TMEM248: variants seen among roughly 807,000 people sequenced by gnomAD.
TMEM248 encodes the protein transmembrane protein 248, also known as UPF0458 protein C7orf42.
Under a neutral mutation model 30.3 loss-of-function variants are expected in TMEM248, and 9 were observed. The observed-to-expected ratio is 0.30, with a 90% CI of 0.18 to 0.52. The LOEUF is 0.52. Among genes scored for constraint, TMEM248 ranks in the 20% least tolerant of loss-of-function variants. TMEM248 has a pLI of 0.97. For missense variants in TMEM248, 338 were observed against 403.3 expected (o/e 0.84, Z 1.39); for synonymous variants, 184 against 154.4 (o/e 1.19, Z -1.42).
At chr7:66,939,667 TGGGCTCATAAATGA>T (rs1355597765) in intron 1 of TMEM248, among the ~76,000 whole-genome samples, 1 of 152,220 alleles carries the variant, frequency 6.6e-6, no homozygotes, top group Non-Finnish European at 1.5e-5. Context: ...CCACTCTCAC[TGGGCTCATAAATGA>T]GGGATGACAG....
chr7:66,942,292 A>C (rs1791986331), intron 2 of TMEM248, among the ~76,000 whole-genome samples: 1 of 152,210 alleles, frequency 6.6e-6, no homozygotes, highest in Non-Finnish European at 1.5e-5. Context: ...TACATTTGTA[A>C]AATGATCTGT....
In TMEM248 at chr7:66,957,394, G is replaced by A. The variant is rs111875640; in HGVS notation, c.*1872G>A. On this transcript the variant is annotated 3_prime_UTR_variant, in exon 7 of 7. Coordinates refer to ENST00000341567, the MANE Select transcript of TMEM248 (RefSeq NM_017994.5). ...GTTAGTATTTTTCTTTTTCCTTTTA[G>A]TATGTTTCAAGTGCAGTAATCGTAC... 1.3e-5 allele frequency: 2 copies of A among 152,130 alleles called. No individual in the cohort carries two copies. Among genetic ancestry groups the A allele is most frequent in the African/African-American group, 2.4e-5 (1 of 41,438 alleles). 9.4% of individuals were successfully genotyped at this position (152,130 alleles called of 1,614,324 possible).
At chr7:66,949,355 C>T (rs1408010930) in intron 4 of TMEM248, among the ~76,000 whole-genome samples, 4 of 152,008 alleles carry the variant, frequency 2.6e-5, no homozygotes, top group Admixed American at 6.6e-5. Context: ...GGCATGATGG[C>T]ACATGTCTGT....
chr7:66,935,341 CCTGT>C (rs1003236701), intron 1 of TMEM248, among the ~76,000 whole-genome samples: 2 of 151,998 alleles, frequency 1.3e-5, no homozygotes, highest in African/African-American at 4.8e-5. Flanking sequence ...TGCCATCACA[CCTGT>C]CTAACGTTTG....
intron 1 of TMEM248, among the ~76,000 whole-genome samples, chr7:66,939,880 A>G (rs550215931): frequency 1.3e-5 from 2 of 152,342 alleles, no homozygotes; most frequent in Admixed American, 1.3e-4. Flanking sequence ...GCTAAACAAT[A>G]TAAAGGAAAT....
At chr7:66,938,431 A>C (rs1052772449) in intron 1 of TMEM248, among the ~76,000 whole-genome samples, 1 of 152,210 alleles carries the variant, frequency 6.6e-6, no homozygotes, top group African/African-American at 2.4e-5. Context: ...TGAATTGTAT[A>C]CTTTAAATGG....
rs1792175406 is a variant in TMEM248 at position 66,948,533 on chromosome 7, CT to C, written c.446-10del. 2 of 1,610,256 alleles carry C rather than the reference CT, an allele frequency of 1.2e-6. No homozygotes were observed. Among genetic ancestry groups the C allele is most frequent in the African/African-American group, 2.7e-5 (2 of 74,872 alleles). On this transcript the variant is annotated splice_polypyrimidine_tract_variant and intron_variant, in intron 3 of 6. Transcript: ENST00000341567. Reference sequence around the variant, plus strand: ...TCTTGACTTTATAAAAAAATGATTTCTCTTTCATAGGCAGGGAAGCCCACGA... The same window carrying C: ...TCTTGACTTTATAAAAAAATGATTTCCTTTCATAGGCAGGGAAGCCCACGA...
rs187155267 is a variant in TMEM248 at position 66,943,276 on chromosome 7, A to G, written c.159+1252A>G. Among the ~76,000 whole-genome samples the G allele has an allele frequency of 1.1e-4, 16 of 152,350 alleles. No individual in the cohort carries two copies. The East Asian group carries it at 1.3e-3, about 13-fold the overall frequency. ...TGCCATTTCTTTCCCGCAGAGCTTG[A>G]GTCCATGTTGAGCACTTGGCCAAGG... On this transcript the variant is annotated intron_variant, in intron 2 of 6. Coordinates refer to ENST00000341567, the MANE Select transcript of TMEM248 (RefSeq NM_017994.5).
chr7:66,954,042 C>T lies in TMEM248; in HGVS notation c.924+673C>T, dbSNP rs1792341125. Among the ~76,000 whole-genome samples the T allele has an allele frequency of 2.7e-5, 4 of 147,452 alleles. No individual in the cohort carries two copies. The Admixed American group carries it at 2.8e-4, about 10-fold the overall frequency. On this transcript the variant is annotated intron_variant, in intron 6 of 6. Transcript: ENST00000341567. ...CACTGCAACCTCTGCCTCCTGGGCT[C>T]AAGTGATTCTCTTGCCTCAGCCTCG...
intron 1 of TMEM248, among the ~76,000 whole-genome samples, chr7:66,925,533 G>C (rs1212846812): frequency 6.6e-6 from 1 of 151,892 alleles, no homozygotes; most frequent in African/African-American, 2.4e-5. Context: ...TCTATGCCTG[G>C]CTTATTTCTC....
chr7:66,932,620 A>G (rs968996444), intron 1 of TMEM248, among the ~76,000 whole-genome samples: 1 of 149,704 alleles, frequency 6.7e-6, no homozygotes, highest in African/African-American at 2.5e-5. Flanking sequence ...GGTTCAAGCA[A>G]TTCTCCTGTC....
At chr7:66,940,602 C>G (rs1791922342) in intron 1 of TMEM248, among the ~76,000 whole-genome samples, 1 of 152,134 alleles carries the variant, frequency 6.6e-6, no homozygotes, top group South Asian at 2.1e-4. Context: ...AATAGCAAGT[C>G]CAGTGTGGCC....
At chr7:66,931,369 G>A (rs945565545) in intron 1 of TMEM248, among the ~76,000 whole-genome samples, 8 of 151,184 alleles carry the variant, frequency 5.3e-5, no homozygotes, top group African/African-American at 1.2e-4. Context: ...TGGACAAGTA[G>A]CCATGTGTAC....
At chr7:66,933,020 G>A (rs147334188) in intron 1 of TMEM248, among the ~76,000 whole-genome samples, 3,935 of 151,670 alleles carry the variant, frequency 0.026, 78 homozygotes, top group Non-Finnish European at 0.034. Flanking sequence ...CACCACACCC[G>A]GCTAATTTTT....
intron 3 of TMEM248, among the ~76,000 whole-genome samples, chr7:66,946,121 G>T (rs1049688364): frequency 3.3e-5 from 5 of 150,706 alleles, no homozygotes; most frequent in Non-Finnish European, 5.9e-5. Flanking sequence ...GGGCATGCAG[G>T]CATGGTGGTG....
At position 66,921,226 on chromosome 7, in the gene TMEM248, C is replaced by T. The variant is rs1319725910; in HGVS notation, c.-254C>T. The T allele has an allele frequency of 2.0e-5, 3 of 148,718 alleles. No individual in the cohort carries two copies. Among genetic ancestry groups the T allele is most frequent in the African/African-American group, 7.4e-5 (3 of 40,724 alleles). 9.2% of individuals were successfully genotyped at this position (148,718 alleles called of 1,614,324 possible). A position where few individuals can be genotyped will look rare whatever the true frequency, so the allele number is the denominator to read the frequency against. ...GGCGTGGTTTTTTTTTTTTTTTTCA[C>T]CCGGAAACCGCGGTTGCCGGAGCCC... On this transcript the variant is annotated 5_prime_UTR_variant, in exon 1 of 7. Coordinates refer to ENST00000341567, the MANE Select transcript of TMEM248 (RefSeq NM_017994.5).
rs148803801 is a variant in TMEM248, at chr7:66,951,150, TTGTG to T, written c.780+28_780+31del. On this transcript the variant is annotated intron_variant, in intron 5 of 6. Coordinates refer to ENST00000341567, the MANE Select transcript of TMEM248 (RefSeq NM_017994.5). The stretch of plus-strand genomic sequence containing the variant: ...TTGTTCCAGATGTAAGTGAGAAAAA[TTGTG>T]TGTGTGTGTGTGCGTGCATGCATAT... 95 of 1,540,570 alleles carry T rather than the reference TTGTG, an allele frequency of 6.2e-5. No individual in the cohort carries two copies. The highest frequency in any genetic ancestry group is 1.6e-4 in the Admixed American group (8 of 51,518).
intron 2 of TMEM248, among the ~76,000 whole-genome samples, chr7:66,944,140 T>C (rs961482679): frequency 2.9e-5 from 4 of 139,174 alleles, no homozygotes; most frequent in African/African-American, 8.2e-5. Context: ...AGTCTCACTG[T>C]GTCGCCCAGG....
chr7:66,927,331 T>G (rs1355669736), intron 1 of TMEM248, among the ~76,000 whole-genome samples: 5 of 152,180 alleles, frequency 3.3e-5, no homozygotes, highest in Non-Finnish European at 4.4e-5. Context: ...CATGTAATTA[T>G]GTCAGCCTAC....
Sources: gnomAD v4.1 joint callset for allele counts (sites outside exome capture counted in the v4.1 genomes callset) on GRCh38, gnomAD v4.1.1 for gene constraint, MANE v1.5 for transcripts, NCBI Gene and HGNC (gene_info 2026-07-23, HGNC 2026-07-21) for gene names.